Variants in ADGRL3 observed in about 807,000 individuals in gnomAD.
The protein encoded by ADGRL3 is calcium-independent alpha-latrotoxin receptor 3.
A neutral mutation model predicts 153.5 loss-of-function variants in ADGRL3; 62 were observed. That is an observed-to-expected ratio of 0.40 (90% CI 0.33 to 0.50). The LOEUF (loss-of-function observed/expected upper bound fraction) is 0.50, where lower values mean the gene tolerates loss of function less well. ADGRL3 is among the 20% of genes least tolerant of loss of function. ADGRL3 has a pLI of 0.47. For synonymous variants in ADGRL3, 710 were observed against 672.5 expected (o/e 1.06, Z -0.86); for missense variants, 1,641 against 1,859.4 (o/e 0.88, Z 2.16).
chr4:61,717,314 T>C (rs1580430076), intron 6 of ADGRL3, among the ~76,000 whole-genome samples: 1 of 152,136 alleles, frequency 6.6e-6, no homozygotes, highest in East Asian at 1.9e-4. Flanking sequence ...TTCAAATCCA[T>C]TGACCTTTGA....
At chr4:61,397,693 G>T (rs968624568) in intron 2 of ADGRL3, among the ~76,000 whole-genome samples, 19 of 151,750 alleles carry the variant, frequency 1.3e-4, no homozygotes, top group African/African-American at 4.4e-4. Context: ...GAAGATTTGA[G>T]AACACATAGT....
chr4:61,371,185 A>G lies in ADGRL3; in HGVS notation c.-239-11939A>G, dbSNP rs867246931. ...CTGATGGGTCTTGACTCTTTATCCA[A>G]TTTGCCAGTCTGTGTCTTTTAATTG... On this transcript the variant is annotated intron_variant, in intron 1 of 26. Transcript: ENST00000683033. Among the ~76,000 whole-genome samples the G allele has an allele frequency of 5.4e-3, 813 of 151,164 alleles. 8 individuals carry two copies. Among genetic ancestry groups the G allele is most frequent in the African/African-American group, 0.018 (734 of 41,106 alleles).
chr4:61,494,952 A>G (rs552263322), intron 2 of ADGRL3, among the ~76,000 whole-genome samples: 7 of 152,196 alleles, frequency 4.6e-5, no homozygotes, highest in Admixed American at 6.5e-5. Context: ...CACCTACCAC[A>G]TGCCAGCACT....
At chr4:61,955,985 T>G (rs562847411) in intron 17 of ADGRL3, among the ~76,000 whole-genome samples, 1 of 152,210 alleles carries the variant, frequency 6.6e-6, no homozygotes, top group Non-Finnish European at 1.5e-5. Flanking sequence ...TAAATAGTGC[T>G]TCAGTAAACA....
At chr4:61,236,588 T>C (rs1460740406) in intron 1 of ADGRL3, among the ~76,000 whole-genome samples, 1 of 152,192 alleles carries the variant, frequency 6.6e-6, no homozygotes, top group Admixed American at 6.5e-5. Context: ...AGGTTATATG[T>C]ATGAAATAAA....
At chr4:61,681,307 G>A (rs1259017546) in intron 6 of ADGRL3, among the ~76,000 whole-genome samples, 3 of 151,978 alleles carry the variant, frequency 2.0e-5, no homozygotes, top group Non-Finnish European at 4.4e-5. Context: ...TCTTTCTTCC[G>A]AGGCATACAA....
At position 62,059,613 on chromosome 4, in the gene ADGRL3, G is replaced by A. The variant is rs548156674; in HGVS notation, c.3815-8553G>A. ...TTATAAGTGTTTATATGGTTTCAGT[G>A]TAACCAGCAAATAGATCTCCAATTA... is the stretch of plus-strand genomic sequence containing the variant. On this transcript the variant is annotated intron_variant, in intron 25 of 26. Coordinates refer to ENST00000683033, the MANE Select transcript of ADGRL3 (RefSeq NM_001387552.1). 5.3e-5 allele frequency among the ~76,000 whole-genome samples: 8 copies of A among 152,172 alleles called. No homozygotes were observed. The South Asian group carries it at 1.5e-3, about 28-fold the overall frequency.
intron 1 of ADGRL3, among the ~76,000 whole-genome samples, chr4:61,259,760 A>G (rs745614502): frequency 3.9e-5 from 6 of 151,956 alleles, no homozygotes; most frequent in Admixed American, 3.9e-4. Context: ...GAACATATTT[A>G]TATTCTCAAA....
chr4:61,947,233 G>T, intron 16 of ADGRL3, 111 bp downstream of exon 16: 1 of 848,398 alleles, frequency 1.2e-6, no homozygotes, highest in Non-Finnish European at 1.8e-6. Context: ...ACATATAACA[G>T]TTCATTATCT....
At chr4:61,845,423 G>A (rs983458968) in intron 9 of ADGRL3, among the ~76,000 whole-genome samples, 11 of 151,718 alleles carry the variant, frequency 7.3e-5, no homozygotes, top group African/African-American at 9.7e-5. Context: ...TGATCATGGC[G>A]CACTGCACCC....
At chr4:61,946,736 G>A (rs1254744095) in intron 15 of ADGRL3, among the ~76,000 whole-genome samples, 178 bp from the exon 16 acceptor site, 1 of 152,168 alleles carries the variant, frequency 6.6e-6, no homozygotes, top group Non-Finnish European at 1.5e-5. Context: ...ATATTGGTAT[G>A]TAGTTGTTTT....
chr4:62,007,457 C>CACACACAT (rs2099165447), intron 21 of ADGRL3, among the ~76,000 whole-genome samples: 1 of 103,734 alleles, frequency 9.6e-6, no homozygotes, highest in African/African-American at 4.0e-5. Context: ...CATATATATA[C>CACACACAT]ATATATGTGT....
At chr4:61,658,507 A>G (rs1006077122) in intron 5 of ADGRL3, among the ~76,000 whole-genome samples, 10 of 152,156 alleles carry the variant, frequency 6.6e-5, no homozygotes, top group African/African-American at 2.4e-4. Flanking sequence ...AGATTACACA[A>G]GATAAGTTAA....
intron 1 of ADGRL3, among the ~76,000 whole-genome samples, chr4:61,373,460 C>G (rs1242442721): frequency 6.6e-6 from 1 of 152,054 alleles, no homozygotes; most frequent in Non-Finnish European, 1.5e-5. Context: ...ATTTAACTTT[C>G]ATTGTTAAGG....
At chr4:61,600,880 A>G (rs909490021) in intron 5 of ADGRL3, among the ~76,000 whole-genome samples, 2 of 152,202 alleles carry the variant, frequency 1.3e-5, no homozygotes, top group Admixed American at 6.5e-5. Flanking sequence ...TTACTTGCCC[A>G]TTGATATTTA....
At chr4:61,337,581 T>G (rs1355445117) in intron 1 of ADGRL3, among the ~76,000 whole-genome samples, 1 of 152,204 alleles carries the variant, frequency 6.6e-6, no homozygotes, top group Non-Finnish European at 1.5e-5. Context: ...TAGTTTTTCT[T>G]GAAATCTTTG....
chr4:61,575,003 G>T (rs1455428355), intron 4 of ADGRL3, among the ~76,000 whole-genome samples: 1 of 151,594 alleles, frequency 6.6e-6, no homozygotes, highest in Non-Finnish European at 1.5e-5. Context: ...TTGAATTAAA[G>T]AACTAAAAAT....
At chr4:61,591,646 TGAG>T (rs529712604) in intron 5 of ADGRL3, among the ~76,000 whole-genome samples, 58 of 152,234 alleles carry the variant, frequency 3.8e-4, no homozygotes, top group African/African-American at 1.4e-3. Context: ...ATATTTCTTT[TGAG>T]TTTTCTATCA....
At chr4:61,669,662 G>A (rs2094925208) in intron 5 of ADGRL3, among the ~76,000 whole-genome samples, 1 of 152,010 alleles carries the variant, frequency 6.6e-6, no homozygotes, top group African/African-American at 2.4e-5. Flanking sequence ...TGAACTTCTT[G>A]GGTATACTAA....
Sources: allele counts gnomAD v4.1 joint callset (sites outside exome capture counted in the v4.1 genomes callset), GRCh38; gene constraint gnomAD v4.1.1; transcripts MANE v1.5; gene names NCBI Gene and HGNC (gene_info 2026-07-23, HGNC 2026-07-21).